HEATR6: variants seen among roughly 807,000 people sequenced by gnomAD.
HEATR6 encodes HEAT repeat-containing protein 6.
HEATR6 carries 106 observed loss-of-function variants against 132.8 expected under a neutral mutation model. That is an observed-to-expected ratio of 0.80 (90% CI 0.68 to 0.94). HEATR6 has a LOEUF of 0.94. Among genes scored for constraint, HEATR6 ranks in the 40% least tolerant of loss-of-function variants. The probability of loss-of-function intolerance (pLI) is 0.00; values close to 1 mark genes in which losing one functional copy is unlikely to be tolerated. For missense variants in HEATR6, 1,339 were observed against 1,425.1 expected (o/e 0.94, Z 0.97); for synonymous variants, 529 against 537.8 (o/e 0.98, Z 0.23).
chr17:60,074,790 G>A (rs868416394), intron 2 of HEATR6, among the ~76,000 whole-genome samples: 53 of 152,296 alleles, frequency 3.5e-4, no homozygotes, highest in African/African-American at 1.1e-3. Flanking sequence ...TGCTACTGGC[G>A]TCTAGTGGGT....
Position 60,051,499 on chromosome 17 carries a change from C to T in HEATR6, c.2290-522G>A, listed in dbSNP as rs117144393. ...GGCTAGGGCTTTTTCAACTACTTTG[C>T]AGAGTCTGTGTGATAATAAAATGTA... On this transcript the variant is annotated intron_variant, in intron 14 of 19. Transcript: ENST00000184956. Among the ~76,000 whole-genome samples the T allele has an allele frequency of 9.1e-3, 1,388 of 152,282 alleles. 12 individuals carry two copies. Among genetic ancestry groups the T allele is most frequent in the Non-Finnish European group, 0.014 (966 of 68,026 alleles).
At chr17:60,057,471 G>T in intron 11 of HEATR6, 68 bp from the exon 12 acceptor site, 1 of 1,063,734 alleles carries the variant, frequency 9.4e-7, no homozygotes, top group African/African-American at 1.6e-5. Context: ...AGTTATCCCA[G>T]CAGGCAATTA....
intron 14 of HEATR6, among the ~76,000 whole-genome samples, chr17:60,054,211 C>T (rs1182819756): frequency 6.6e-6 from 1 of 152,266 alleles, no homozygotes; most frequent in Non-Finnish European, 1.5e-5. Context: ...TTAGTGGGTA[C>T]AGGCTGTAAG....
In HEATR6 at chr17:60,043,942, G is replaced by A. The variant is rs755084925; in HGVS notation, c.3167C>T (p.Thr1056Ile). The stretch of plus-strand genomic sequence containing the variant: ...GTACTTGAATTCCAAAAAGTCTATG[G>A]TGTCTTCACTCTTCTGTAAAGCGGT... ...LVTALQKSED[T>I]IDFLEFKYCV... The change falls in exon 20 of 20, where the codon ACC becomes ATC. Residue 1056 changes from threonine (T) to isoleucine (I), a missense_variant. Coordinates refer to ENST00000184956, the MANE Select transcript of HEATR6 (RefSeq NM_022070.5). 1.2e-6 allele frequency: 2 copies of A among 1,613,978 alleles called. No homozygotes were observed. Among genetic ancestry groups the A allele is most frequent in the African/African-American group, 1.3e-5 (1 of 74,898 alleles).
chr17:60,056,540 G>C (rs1283328237), intron 12 of HEATR6, among the ~76,000 whole-genome samples: 1 of 152,184 alleles, frequency 6.6e-6, no homozygotes, highest in South Asian at 2.1e-4. Flanking sequence ...AAGATGAAAG[G>C]ACATGCTTCA....
chr17:60,049,741 A>G (rs1175936962), intron 15 of HEATR6, 39 bp from the exon 16 acceptor site: 2 of 1,603,668 alleles, frequency 1.2e-6, no homozygotes, highest in African/African-American at 1.3e-5. Flanking sequence ...ATGAGAATGA[A>G]ATAACTACAA....
chr17:60,078,624 C>T, intron 1 of HEATR6, 72 bp downstream of exon 1: 1 of 1,201,668 alleles, frequency 8.3e-7, no homozygotes, highest in Non-Finnish European at 1.2e-6. Flanking sequence ...CAGGGAAAGG[C>T]AGGCAGAGGC....
chr17:60,048,916 T>G (rs1179637067), intron 16 of HEATR6, among the ~76,000 whole-genome samples: 1 of 148,676 alleles, frequency 6.7e-6, no homozygotes, highest in East Asian at 2.0e-4. Flanking sequence ...AAGCATTTAT[T>G]GGGTGCCTAA....
intron 19 of HEATR6, among the ~76,000 whole-genome samples, chr17:60,044,812 T>G (rs975302413): frequency 6.6e-6 from 1 of 152,178 alleles, no homozygotes; most frequent in African/African-American, 2.4e-5. Context: ...GGCTTCTCTG[T>G]TGCCTCTGAA....
At chr17:60,049,122 A>AGTGCGTGTGT (rs1555667028) in intron 16 of HEATR6, among the ~76,000 whole-genome samples, 3 of 134,816 alleles carry the variant, frequency 2.2e-5, no homozygotes, top group African/African-American at 5.5e-5. Flanking sequence ...AGAGACAGAG[A>AGTGCGTGTGT]GTGTGTGTGT....
At chr17:60,067,780 G>A in intron 7 of HEATR6, 48 bp from the exon 8 acceptor site, 1 of 1,440,218 alleles carries the variant, frequency 6.9e-7, no homozygotes, top group South Asian at 1.3e-5. Flanking sequence ...ACTTCAGAAT[G>A]GCTTTTCACT....
intron 9 of HEATR6, among the ~76,000 whole-genome samples, chr17:60,065,667 C>T (rs559291541): frequency 1.5e-4 from 23 of 152,220 alleles, no homozygotes; most frequent in African/African-American, 5.5e-4. Context: ...AAGTTTTTCT[C>T]ATTAAAATAT....
chr17:60,043,273 T>TC lies in HEATR6; in HGVS notation c.*289dup, dbSNP rs2034463442. 7 of 358,262 alleles carry TC rather than the reference T, an allele frequency of 2.0e-5. No individual in the cohort carries two copies. Among genetic ancestry groups the TC allele is most frequent in the South Asian group, 9.3e-5 (2 of 21,402 alleles). The allele number at this position is 358,262 out of a possible 1,614,324, so 22.2% of individuals were successfully genotyped here. ...CCGAAATCCTTCTACATTTTTTTTT[T>TC]CTGAGACTAAATGCCCTCAAAGCCC... is the stretch of plus-strand genomic sequence containing the variant. On this transcript the variant is annotated 3_prime_UTR_variant, in exon 20 of 20. Coordinates refer to ENST00000184956, the MANE Select transcript of HEATR6 (RefSeq NM_022070.5).
At chr17:60,044,280 C>A in intron 19 of HEATR6, 146 bp from the exon 20 acceptor site, 2 of 664,806 alleles carry the variant, frequency 3.0e-6, no homozygotes, top group Non-Finnish European at 2.5e-6. Context: ...TCCTGTAAGA[C>A]AAGGGTGGTG....
chr17:60,076,222 G>C lies in HEATR6; in HGVS notation c.235C>G (p.Leu79Val), dbSNP rs745681759. ...GVAPEDVSAL[L>V]VQACRLVPLN... is the part of the protein sequence containing the mutation. The stretch of plus-strand genomic sequence containing the variant: ...GGTACCAGTCGGCAAGCCTGGACAA[G>C]AAGAGCACTAACGTCCTACCAAAAA... Residue 79 changes from leucine to valine, a missense_variant, in exon 2 of 20, where the codon CTT (leucine) becomes GTT (valine). Coordinates refer to ENST00000184956, the MANE Select transcript of HEATR6 (RefSeq NM_022070.5). The C allele has an allele frequency of 2.0e-5, 32 of 1,602,454 alleles. No homozygotes were observed. In the Admixed American group the frequency reaches 4.3e-4, roughly 22 times the overall value.
At chr17:60,060,797 G>A (rs908388546) in intron 9 of HEATR6, among the ~76,000 whole-genome samples, 1 of 152,274 alleles carries the variant, frequency 6.6e-6, no homozygotes, top group South Asian at 2.1e-4. Context: ...TTAGGTACAG[G>A]AAATAACACT....
At chr17:60,055,803 G>A (rs1269520761) in intron 13 of HEATR6, among the ~76,000 whole-genome samples, 2 of 152,192 alleles carry the variant, frequency 1.3e-5, no homozygotes, top group Non-Finnish European at 2.9e-5. Flanking sequence ...CTCAAATCAA[G>A]GGGAAACATA....
At chr17:60,060,913 G>T (rs1402773126) in intron 9 of HEATR6, among the ~76,000 whole-genome samples, 2 of 152,186 alleles carry the variant, frequency 1.3e-5, no homozygotes, top group Admixed American at 1.3e-4. Context: ...TGCTGTATTT[G>T]TTAGGAAAGG....
chr17:60,056,825 A>G (rs1568619408), intron 12 of HEATR6, among the ~76,000 whole-genome samples: 2 of 152,236 alleles, frequency 1.3e-5, no homozygotes, highest in East Asian at 1.9e-4. Context: ...GACTAAAATA[A>G]TTTGCAATCA....
Sources: gnomAD v4.1 joint callset for allele counts (sites outside exome capture counted in the v4.1 genomes callset) on GRCh38, gnomAD v4.1.1 for gene constraint, MANE v1.5 for transcripts, NCBI Gene and HGNC (gene_info 2026-07-23, HGNC 2026-07-21) for gene names.